RTN1: variants seen among roughly 807,000 people sequenced by gnomAD.
The protein encoded by RTN1 is reticulon 1.
In RTN1, 25 loss-of-function variants were observed where a neutral mutation model predicts 65.5. That is an observed-to-expected ratio of 0.38 (90% CI 0.28 to 0.53). The LOEUF (loss-of-function observed/expected upper bound fraction) is 0.53, where lower values mean the gene tolerates loss of function less well. RTN1 is among the 20% of genes least tolerant of loss of function. RTN1 has a pLI of 0.79. For missense variants in RTN1, 983 were observed against 1,025.4 expected (o/e 0.96, Z 0.57); for synonymous variants, 471 against 447.6 (o/e 1.05, Z -0.66).
In RTN1 at chr14:59,825,469, A is replaced by T. The variant is rs1887014806; in HGVS notation, c.241+44921T>A. 6.6e-6 allele frequency among the ~76,000 whole-genome samples: 1 copy of T among 152,194 alleles called. No homozygotes were observed. Among genetic ancestry groups the T allele is most frequent in the African/African-American group, 2.4e-5 (1 of 41,452 alleles). ...TAAAATAGTTTTAAAAATAGTTACAATGTGTTTTCTGTTTTGTCAAAGTTT... is the reference window on the plus strand; with the variant it reads ...TAAAATAGTTTTAAAAATAGTTACATTGTGTTTTCTGTTTTGTCAAAGTTT... On this transcript the variant is annotated intron_variant, in intron 1 of 8. Transcript: ENST00000267484. This position sits in a 1 kb window ranked among gnomAD's most constrained non-coding sequence, Gnocchi z 4.2.
chr14:59,734,118 G>T (rs535701454), intron 2 of RTN1, among the ~76,000 whole-genome samples: 138 of 152,228 alleles, frequency 9.1e-4, no homozygotes, highest in Middle Eastern at 3.4e-3. Context: ...GTCTGGAGTG[G>T]ACCCCCAAAA....
chr14:59,631,886 G>T (rs1012373141), intron 3 of RTN1, among the ~76,000 whole-genome samples: 1 of 152,106 alleles, frequency 6.6e-6, no homozygotes, highest in Non-Finnish European at 1.5e-5. Context: ...ATCCATTACA[G>T]GGTCTTTTTC....
intron 1 of RTN1, among the ~76,000 whole-genome samples, chr14:59,810,514 A>G (rs1886710247): frequency 6.6e-6 from 1 of 152,178 alleles, no homozygotes; most frequent in Non-Finnish European, 1.5e-5. Flanking sequence ...GTTAGCTTGC[A>G]GGAAGGGTAA....
chr14:59,785,834 T>C (rs1886240355), intron 1 of RTN1, among the ~76,000 whole-genome samples: 1 of 152,150 alleles, frequency 6.6e-6, no homozygotes, highest in Admixed American at 6.5e-5. Context: ...AAGATTAATA[T>C]GGTGTTATTA....
At chr14:59,676,815 G>C (rs1883637492) in intron 3 of RTN1, among the ~76,000 whole-genome samples, 1 of 152,160 alleles carries the variant, frequency 6.6e-6, no homozygotes. Flanking sequence ...TGAAAAAATA[G>C]TAAACCACTA....
intron 1 of RTN1, among the ~76,000 whole-genome samples, chr14:59,808,092 T>C (rs1048021538): frequency 6.6e-6 from 1 of 152,234 alleles, no homozygotes; most frequent in African/African-American, 2.4e-5. Context: ...AGACCAGGTC[T>C]TCTCCCTTCC....
intron 3 of RTN1, among the ~76,000 whole-genome samples, chr14:59,685,384 CTT>C (rs780092978): frequency 7.9e-5 from 12 of 152,104 alleles, no homozygotes; most frequent in Non-Finnish European, 1.6e-4. Context: ...AATTGTCTCT[CTT>C]TGAAGACAAC....
chr14:59,728,810 A>G (rs1344954827), intron 2 of RTN1, among the ~76,000 whole-genome samples: 1 of 152,194 alleles, frequency 6.6e-6, no homozygotes, highest in Non-Finnish European at 1.5e-5. Context: ...TCTGTTATTT[A>G]TTGAGAACCT....
chr14:59,863,087 G>C (rs1049928854), intron 1 of RTN1, among the ~76,000 whole-genome samples: 4 of 151,792 alleles, frequency 2.6e-5, no homozygotes, highest in Non-Finnish European at 5.9e-5. Context: ...ATCCATCCCT[G>C]CTTACTCATT....
At chr14:59,867,460 T>A (rs911325645) in intron 1 of RTN1, among the ~76,000 whole-genome samples, 1 of 152,212 alleles carries the variant, frequency 6.6e-6, no homozygotes, top group African/African-American at 2.4e-5. Flanking sequence ...AAGACAGTGT[T>A]ATTTTGATGA....
At chr14:59,748,957 T>C (rs1278120078) in intron 1 of RTN1, among the ~76,000 whole-genome samples, 1 of 151,158 alleles carries the variant, frequency 6.6e-6, no homozygotes, top group Admixed American at 6.6e-5. Flanking sequence ...ACCCAGCTGA[T>C]TTTTGTATTT....
At chr14:59,797,593 G>C (rs984473895) in intron 1 of RTN1, among the ~76,000 whole-genome samples, 1 of 152,172 alleles carries the variant, frequency 6.6e-6, no homozygotes, top group Non-Finnish European at 1.5e-5. Flanking sequence ...CTACATGGCA[G>C]GACATTGGTG....
At chr14:59,675,571 A>T (rs1883610364) in intron 3 of RTN1, among the ~76,000 whole-genome samples, 1 of 146,236 alleles carries the variant, frequency 6.8e-6, no homozygotes, top group South Asian at 2.1e-4. Flanking sequence ...ATAATAATAT[A>T]TTTTATAATT....
In RTN1 at chr14:59,607,651, A is replaced by C. The variant is rs1881805737; in HGVS notation, c.1766-159T>G. On this transcript the variant is annotated intron_variant, in intron 3 of 8. Coordinates refer to ENST00000267484, the MANE Select transcript of RTN1 (RefSeq NM_021136.3). ...ACAGATGGCTGTGCCAAGGGCACTT[A>C]CTGTCATTCCACTTTGGTTTGGAAG... 4 of 641,628 alleles carry C rather than the reference A, an allele frequency of 6.2e-6. No homozygotes were observed. The South Asian group carries it at 7.3e-5, about 12-fold the overall frequency. 39.7% of individuals were successfully genotyped at this position (641,628 alleles called of 1,614,324 possible). A position where few individuals can be genotyped will look rare whatever the true frequency, so the allele number is the denominator to read the frequency against.
chr14:59,749,764 T>A lies in RTN1; in HGVS notation c.242-3283A>T, dbSNP rs1228742479. Among the ~76,000 whole-genome samples the A allele has an allele frequency of 3.7e-5, 4 of 107,306 alleles. No individual in the cohort carries two copies. In the East Asian group the frequency reaches 9.8e-4, roughly 26 times the overall value. 70.4% of individuals were successfully genotyped at this position (107,306 alleles called of 152,430 possible). A position where few individuals can be genotyped will look rare whatever the true frequency, so the allele number is the denominator to read the frequency against. On this transcript the variant is annotated intron_variant, in intron 1 of 8. Transcript: ENST00000267484. Reference sequence around the variant, plus strand: ...ATATATCTATATGTATATTTATATATCTATATGTATATTTATATATATCTA... The same window carrying A: ...ATATATCTATATGTATATTTATATAACTATATGTATATTTATATATATCTA...
At chr14:59,699,970 G>A (rs1250574645) in intron 3 of RTN1, among the ~76,000 whole-genome samples, 5 of 151,936 alleles carry the variant, frequency 3.3e-5, no homozygotes, top group Non-Finnish European at 7.4e-5. Context: ...TTCTGTCAAG[G>A]GCCAAACAGT....
At chr14:59,828,344 C>T (rs1336015599) in intron 1 of RTN1, among the ~76,000 whole-genome samples, 1 of 152,122 alleles carries the variant, frequency 6.6e-6, no homozygotes, top group Non-Finnish European at 1.5e-5. Flanking sequence ...AGCCTGAGAC[C>T]GTGTGTAAAT....
At chr14:59,728,249 C>CTTT (rs200434592) in intron 2 of RTN1, among the ~76,000 whole-genome samples, 1,345 of 123,872 alleles carry the variant, frequency 0.011, 78 homozygotes, top group African/African-American at 0.038. Flanking sequence ...GAATCAGTAT[C>CTTT]TTTTTTTTTT....
chr14:59,815,589 A>C (rs998951618), intron 1 of RTN1, among the ~76,000 whole-genome samples: 1 of 152,038 alleles, frequency 6.6e-6, no homozygotes, highest in Non-Finnish European at 1.5e-5. Context: ...TTGCCTAATG[A>C]CCCATTTCCA....
Sources: gnomAD v4.1 joint callset for allele counts (sites outside exome capture counted in the v4.1 genomes callset) on GRCh38, gnomAD v4.1.1 for gene constraint, Gnocchi (gnomAD v3.1) non-coding constraint, MANE v1.5 for transcripts, NCBI Gene and HGNC (gene_info 2026-07-23, HGNC 2026-07-21) for gene names.